HTR1F: variants seen among roughly 807,000 people sequenced by gnomAD.
HTR1F encodes 5-hydroxytryptamine (serotonin) receptor 1F, G protein-coupled.
In HTR1F, 17 loss-of-function variants were observed where a neutral mutation model predicts 24.0. The ratio of observed to expected loss-of-function variants is 0.71; its 90% confidence interval spans 0.48 to 1.06. The LOEUF (loss-of-function observed/expected upper bound fraction) is 1.06, where lower values mean the gene tolerates loss of function less well. Among genes scored for constraint, HTR1F ranks in the 50% least tolerant of loss-of-function variants. HTR1F has a pLI of 0.00. For missense variants in HTR1F, 391 were observed against 427.8 expected (o/e 0.91, Z 0.76); for synonymous variants, 186 against 156.8 (o/e 1.19, Z -1.39).
In HTR1F at chr3:87,962,748, G is replaced by GA. The variant is rs554842574; in HGVS notation, c.-42-27955dup. On this transcript the variant is annotated intron_variant, in intron 2 of 2. Coordinates refer to ENST00000319595, the MANE Select transcript of HTR1F (RefSeq NM_001322209.2). ...AATCTCTGAAGTATCTAACTAATGG[G>GA]AAAAATGTAAACACAGAATACAACT... is the stretch of plus-strand genomic sequence containing the variant. Among the ~76,000 whole-genome samples the GA allele has an allele frequency of 4.6e-5, 7 of 152,000 alleles. No individual in the cohort carries two copies. The South Asian group carries it at 1.5e-3, about 32-fold the overall frequency.
chr3:87,925,583 C>G (rs1704106314), intron 2 of HTR1F, among the ~76,000 whole-genome samples: 1 of 152,086 alleles, frequency 6.6e-6, no homozygotes, highest in Non-Finnish European at 1.5e-5. Context: ...TTACAATGCC[C>G]CATAACAGTG....
intron 2 of HTR1F, among the ~76,000 whole-genome samples, chr3:87,919,337 C>G (rs755946897): frequency 3.3e-5 from 5 of 151,866 alleles, no homozygotes; most frequent in Non-Finnish European, 7.4e-5. Context: ...ACCAAGAACC[C>G]AAAAGCAAAT....
At chr3:87,881,697 A>G (rs1705805814) in intron 2 of HTR1F, among the ~76,000 whole-genome samples, 1 of 152,220 alleles carries the variant, frequency 6.6e-6, no homozygotes, top group Non-Finnish European at 1.5e-5. Flanking sequence ...TACACCTTAT[A>G]CAAAAATCAA....
At chr3:87,839,083 T>C (rs1426705209) in intron 2 of HTR1F, among the ~76,000 whole-genome samples, 2 of 151,804 alleles carry the variant, frequency 1.3e-5, no homozygotes, top group African/African-American at 4.8e-5. Flanking sequence ...TATTTTCTTT[T>C]GCTTGTGCTT....
intron 2 of HTR1F, among the ~76,000 whole-genome samples, chr3:87,960,322 A>T (rs1408665174): frequency 2.6e-5 from 4 of 152,040 alleles, no homozygotes; most frequent in African/African-American, 9.7e-5. Context: ...AGAAGTGGTC[A>T]TTGTAAGTAT....
At chr3:87,805,785 G>C (rs1364971280) in intron 1 of HTR1F, among the ~76,000 whole-genome samples, 2 of 152,050 alleles carry the variant, frequency 1.3e-5, no homozygotes, top group South Asian at 2.1e-4. Flanking sequence ...TATCCTGCAC[G>C]TGTACCCTGG....
chr3:87,835,245 C>G, intron 2 of HTR1F, among the ~76,000 whole-genome samples: 1 of 152,102 alleles, frequency 6.6e-6, no homozygotes, highest in East Asian at 1.9e-4. Context: ...AGGAAAATGC[C>G]TGGCAATGGC....
chr3:87,852,989 GTTTTCTAT>G (rs1705121311), intron 2 of HTR1F, among the ~76,000 whole-genome samples: 1 of 144,428 alleles, frequency 6.9e-6, no homozygotes, highest in Non-Finnish European at 1.5e-5. Flanking sequence ...TTGCTCTAAT[GTTTTCTAT>G]TTTATTTCAT....
chr3:87,987,629 T>A lies in HTR1F; in HGVS notation c.-42-3079T>A, dbSNP rs539755615. Among the ~76,000 whole-genome samples, 77 of 67,840 alleles carry A rather than the reference T, an allele frequency of 1.1e-3. 3 individuals are homozygous for A. Among genetic ancestry groups the A allele is most frequent in the African/African-American group, 3.7e-3 (69 of 18,430 alleles). 44.5% of individuals were successfully genotyped at this position (67,840 alleles called of 152,430 possible). A position where few individuals can be genotyped will look rare whatever the true frequency, so the allele number is the denominator to read the frequency against. On this transcript the variant is annotated intron_variant, in intron 2 of 2. Transcript: ENST00000319595. ...AAAAATACGGAAATATATATATATA[T>A]AATATATGTATTTTATATATATATA... is the stretch of plus-strand genomic sequence containing the variant.
At chr3:87,973,001 A>G (rs1705317712) in intron 2 of HTR1F, among the ~76,000 whole-genome samples, 1 of 62,370 alleles carries the variant, frequency 1.6e-5, no homozygotes, top group Non-Finnish European at 4.4e-5. Context: ...TCTCTACTAA[A>G]ATACAAAAAA....
At chr3:87,931,276 T>C (rs1453969269) in intron 2 of HTR1F, among the ~76,000 whole-genome samples, 4 of 151,696 alleles carry the variant, frequency 2.6e-5, no homozygotes, top group African/African-American at 4.8e-5. Flanking sequence ...TCAATTCCCA[T>C]CTATGAGTGA....
intron 2 of HTR1F, among the ~76,000 whole-genome samples, chr3:87,881,284 T>C (rs1294175235): frequency 4.6e-5 from 7 of 152,212 alleles, no homozygotes; most frequent in African/African-American, 1.4e-4. Flanking sequence ...TTATGTCTCA[T>C]GCATGGCTTG....
At chr3:87,960,324 T>C (rs1053888810) in intron 2 of HTR1F, among the ~76,000 whole-genome samples, 1 of 151,994 alleles carries the variant, frequency 6.6e-6, no homozygotes, top group Non-Finnish European at 1.5e-5. Context: ...AAGTGGTCAT[T>C]GTAAGTATCA....
Position 87,796,244 on chromosome 3 carries a change from G to T in HTR1F, c.-160+3402G>T, listed in dbSNP as rs7627174. ...TGATGATAGATTAGATATGGTGGGT[G>T]TTGGAAGGAAAGGAATTGAGGCTCA... On this transcript the variant is annotated intron_variant, in intron 1 of 2. Coordinates refer to ENST00000319595, the MANE Select transcript of HTR1F (RefSeq NM_001322209.2). Among the ~76,000 whole-genome samples, 543 of 143,542 alleles carry T rather than the reference G, an allele frequency of 3.8e-3. 1 individual carries two copies. The highest frequency in any genetic ancestry group is 0.012 in the African/African-American group (509 of 40,928). The allele number at this position is 143,542 out of a possible 152,430, so 94.2% of individuals were successfully genotyped here.
At chr3:87,862,096 C>T (rs1176026723) in intron 2 of HTR1F, among the ~76,000 whole-genome samples, 1 of 152,142 alleles carries the variant, frequency 6.6e-6, no homozygotes, top group Non-Finnish European at 1.5e-5. Flanking sequence ...TTTACCATTT[C>T]CAGTGTGCTT....
intron 2 of HTR1F, among the ~76,000 whole-genome samples, chr3:87,823,472 T>G (rs1704399472): frequency 6.6e-6 from 1 of 152,032 alleles, no homozygotes; most frequent in Non-Finnish European, 1.5e-5. Flanking sequence ...CTCTCTTCCC[T>G]TCTTTATCCA....
chr3:87,906,688 C>G (rs1022803434), intron 2 of HTR1F, among the ~76,000 whole-genome samples: 2 of 150,852 alleles, frequency 1.3e-5, no homozygotes, highest in African/African-American at 4.9e-5. Flanking sequence ...TATTCCTCGC[C>G]CCCCTCTCAC....
At chr3:87,883,917 T>G (rs11924753) in intron 2 of HTR1F, among the ~76,000 whole-genome samples, 47,019 of 152,076 alleles carry the variant, frequency 0.31, 8,977 homozygotes, top group South Asian at 0.49. Context: ...TGGAAAACAC[T>G]CTTCAGGATA....
At chr3:87,891,215 T>G (rs867613351) in intron 2 of HTR1F, among the ~76,000 whole-genome samples, 12 of 152,294 alleles carry the variant, frequency 7.9e-5, no homozygotes, top group Admixed American at 2.6e-4. Context: ...GAATTCAATT[T>G]GTTAAAATTA....
Sources: allele counts gnomAD v4.1 joint callset (sites outside exome capture counted in the v4.1 genomes callset), GRCh38; gene constraint gnomAD v4.1.1; transcripts MANE v1.5; gene names NCBI Gene and HGNC (gene_info 2026-07-23, HGNC 2026-07-21).